The following ZNF521 variants were observed in gnomAD, a reference collection of about 807,000 sequenced individuals.
ZNF521 encodes zinc finger protein 521.
Under a neutral mutation model 105.5 loss-of-function variants are expected in ZNF521, and 14 were observed. That is an observed-to-expected ratio of 0.13 (90% CI 0.09 to 0.21). The LOEUF (loss-of-function observed/expected upper bound fraction) is 0.21, where lower values mean the gene tolerates loss of function less well. Ranked by LOEUF, ZNF521 falls within the 10% of genes least tolerant of loss-of-function variation. The pLI, the probability that ZNF521 is intolerant of heterozygous loss-of-function variation, is 1.00. For missense variants in ZNF521, 1,233 were observed against 1,629.7 expected (o/e 0.76, Z 4.19); for synonymous variants, 635 against 606.0 (o/e 1.05, Z -0.70).
At chr18:25,200,636 T>C (rs912730391) in intron 4 of ZNF521, among the ~76,000 whole-genome samples, 4 of 152,126 alleles carry the variant, frequency 2.6e-5, no homozygotes, top group Non-Finnish European at 5.9e-5. Flanking sequence ...TTAACTGCCC[T>C]TTCATTCATA....
chr18:25,102,033 C>A (rs774381915), intron 5 of ZNF521, among the ~76,000 whole-genome samples: 96 of 152,130 alleles, frequency 6.3e-4, no homozygotes, highest in Admixed American at 3.3e-3. Flanking sequence ...AAATGTACAG[C>A]ACATGAATCC....
At chr18:25,236,508 C>T (rs2144777326) in intron 3 of ZNF521, among the ~76,000 whole-genome samples, 1 of 150,812 alleles carries the variant, frequency 6.6e-6, no homozygotes, top group Non-Finnish European at 1.5e-5. Flanking sequence ...TGCAGTCCAG[C>T]CTGGGTGACA....
At chr18:25,138,404 TAGATGAG>T (rs2034776843) in intron 5 of ZNF521, among the ~76,000 whole-genome samples, 1 of 150,954 alleles carries the variant, frequency 6.6e-6, no homozygotes, top group Non-Finnish European at 1.5e-5. Flanking sequence ...TATCTTTCCA[TAGATGAG>T]AGAGGTGGCA....
At chr18:25,180,872 CAGCAGCATAAATTACTTTCAGTGA>C (rs1486355324) in intron 5 of ZNF521, among the ~76,000 whole-genome samples, 11 of 152,278 alleles carry the variant, frequency 7.2e-5, no homozygotes, top group African/African-American at 2.6e-4. Flanking sequence ...ACAGCAACAG[CAGCAGCATAAATTACTTTCAGTGA>C]AGCAGCCTAC....
At chr18:25,074,366 A>G (rs1308571793) in intron 7 of ZNF521, among the ~76,000 whole-genome samples, 3 of 152,194 alleles carry the variant, frequency 2.0e-5, no homozygotes, top group African/African-American at 7.2e-5. Flanking sequence ...CTTTAAATAA[A>G]AAACCCAAGT....
At chr18:25,200,015 G>A (rs943987196) in intron 4 of ZNF521, among the ~76,000 whole-genome samples, 3 of 151,980 alleles carry the variant, frequency 2.0e-5, no homozygotes, top group African/African-American at 7.2e-5. Context: ...AGTAGATAAA[G>A]GAGGGATTAT....
At chr18:25,148,303 G>T (rs1409252096) in intron 5 of ZNF521, among the ~76,000 whole-genome samples, 2 of 152,166 alleles carry the variant, frequency 1.3e-5, no homozygotes, top group Non-Finnish European at 2.9e-5. Flanking sequence ...TAGTTATCCT[G>T]ATTGAGTATA....
chr18:25,331,532 T>C (rs551346026), intron 2 of ZNF521, among the ~76,000 whole-genome samples: 65 of 152,314 alleles, frequency 4.3e-4, no homozygotes, highest in African/African-American at 1.5e-3. Flanking sequence ...GTAGTCTTAG[T>C]AGCACAGTTA....
Position 25,334,543 on chromosome 18 carries a change from T to C in ZNF521, c.41-12356A>G, listed in dbSNP as rs139006192. ...AAGCCAAAGGAAGACACAGTGTCTTTTGAAACGTTAAACAGGTGCCCACAC... is the reference window on the plus strand; with the variant it reads ...AAGCCAAAGGAAGACACAGTGTCTTCTGAAACGTTAAACAGGTGCCCACAC... On this transcript the variant is annotated intron_variant, in intron 2 of 7. Transcript: ENST00000361524. Among the ~76,000 whole-genome samples the C allele has an allele frequency of 1.6e-3, 248 of 152,320 alleles. 1 individual carries two copies. Among genetic ancestry groups the C allele is most frequent in the African/African-American group, 5.6e-3 (233 of 41,570 alleles).
intron 2 of ZNF521, among the ~76,000 whole-genome samples, chr18:25,336,305 C>A (rs145636059): frequency 2.5e-4 from 38 of 152,166 alleles, no homozygotes; most frequent in African/African-American, 8.2e-4. Context: ...TCCACTAATT[C>A]TTTTGTAAAC....
At chr18:25,308,613 A>C (rs1024129880) in intron 3 of ZNF521, among the ~76,000 whole-genome samples, 4 of 151,034 alleles carry the variant, frequency 2.6e-5, no homozygotes, top group Non-Finnish European at 4.4e-5. Context: ...GTGCTCCAGG[A>C]AACCACCCCA....
chr18:25,134,291 G>A, intron 5 of ZNF521, among the ~76,000 whole-genome samples: 1 of 152,144 alleles, frequency 6.6e-6, no homozygotes, highest in East Asian at 1.9e-4. Flanking sequence ...AACTGTTCTA[G>A]ATCTTTTGAT....
At chr18:25,281,577 G>A (rs960743405) in intron 3 of ZNF521, among the ~76,000 whole-genome samples, 11 of 152,208 alleles carry the variant, frequency 7.2e-5, no homozygotes, top group Non-Finnish European at 1.6e-4. Context: ...CTCACACTGT[G>A]TCTGACATGC....
intron 5 of ZNF521, among the ~76,000 whole-genome samples, chr18:25,092,817 A>G (rs2033774297): frequency 6.6e-6 from 1 of 152,222 alleles, no homozygotes; most frequent in Non-Finnish European, 1.5e-5. Context: ...TTGATGTCAT[A>G]ACATTGCTAT....
intron 5 of ZNF521, among the ~76,000 whole-genome samples, chr18:25,136,479 T>C (rs888179834): frequency 9.2e-5 from 14 of 152,322 alleles, no homozygotes; most frequent in Middle Eastern, 6.8e-3. Flanking sequence ...TGTGACCTCA[T>C]TGAATTCTTT....
intron 5 of ZNF521, among the ~76,000 whole-genome samples, chr18:25,121,917 T>C (rs1172442230): frequency 1.3e-5 from 2 of 152,018 alleles, no homozygotes; most frequent in Non-Finnish European, 2.9e-5. Context: ...ATGTCTGGCA[T>C]CCAATGAAAA....
At chr18:25,233,064 A>G (rs765235208) in intron 3 of ZNF521, among the ~76,000 whole-genome samples, 1 of 152,230 alleles carries the variant, frequency 6.6e-6, no homozygotes, top group East Asian at 1.9e-4. Flanking sequence ...AAAGAGGACA[A>G]TATTTTGAAA....
intron 5 of ZNF521, among the ~76,000 whole-genome samples, chr18:25,107,629 C>A (rs1273973455): frequency 6.6e-6 from 1 of 152,178 alleles, no homozygotes; most frequent in Admixed American, 6.6e-5. Flanking sequence ...TGTGAATGCA[C>A]AACCTGAGTG....
Position 25,067,471 on chromosome 18 carries a change from C to CT in ZNF521, c.3907-4731dup, listed in dbSNP as rs574528164. Among the ~76,000 whole-genome samples the CT allele has an allele frequency of 1.4e-3, 214 of 152,266 alleles. 1 individual carries two copies. The highest frequency in any genetic ancestry group is 5.0e-3 in the African/African-American group (208 of 41,560). ...ACAAGACTGGAATTCTCATTTTGGGCTTGGCACTCTAACAAATGATTAATT... is the reference window on the plus strand; with the variant it reads ...ACAAGACTGGAATTCTCATTTTGGGCTTTGGCACTCTAACAAATGATTAATT... On this transcript the variant is annotated intron_variant, in intron 7 of 7. Transcript: ENST00000361524.
Sources: allele counts gnomAD v4.1 joint callset (sites outside exome capture counted in the v4.1 genomes callset), GRCh38; gene constraint gnomAD v4.1.1; transcripts MANE v1.5; gene names NCBI Gene and HGNC (gene_info 2026-07-23, HGNC 2026-07-21).